EXOC6: variants seen among roughly 807,000 people sequenced by gnomAD.
The protein encoded by EXOC6 is SEC15-like 1.
A neutral mutation model predicts 112.5 loss-of-function variants in EXOC6; 60 were observed. That is an observed-to-expected ratio of 0.53 (90% CI 0.43 to 0.66). The LOEUF is 0.66. Ranked by LOEUF, EXOC6 falls within the 30% of genes least tolerant of loss-of-function variation. The pLI is 0.00. For missense variants in EXOC6, 855 were observed against 957.1 expected (o/e 0.89, Z 1.41); for synonymous variants, 295 against 308.0 (o/e 0.96, Z 0.44).
intron 18 of EXOC6, among the ~76,000 whole-genome samples, chr10:92,991,456 A>G (rs1462330870): frequency 6.6e-6 from 1 of 151,634 alleles, no homozygotes; most frequent in Non-Finnish European, 1.5e-5. Context: ...AAAAAAAACA[A>G]AAGTTAGGGT....
At chr10:92,884,545 G>A (rs955465865) in intron 1 of EXOC6, among the ~76,000 whole-genome samples, 1 of 152,130 alleles carries the variant, frequency 6.6e-6, no homozygotes, top group African/African-American at 2.4e-5. Flanking sequence ...TTCTGGGACA[G>A]AGAAAAGCCA....
intron 20 of EXOC6, among the ~76,000 whole-genome samples, chr10:93,034,774 C>T (rs1283564619): frequency 6.6e-6 from 1 of 152,186 alleles, no homozygotes; most frequent in Non-Finnish European, 1.5e-5. Context: ...TATAATTAAA[C>T]AAATCTTCTT....
intron 20 of EXOC6, among the ~76,000 whole-genome samples, chr10:93,018,632 A>AT (rs1323644827): frequency 6.6e-6 from 1 of 150,550 alleles, no homozygotes; most frequent in African/African-American, 2.4e-5. Context: ...TTTTTACCAG[A>AT]TATTTCAGAG....
At chr10:93,041,526 T>G (rs1340185881) in intron 20 of EXOC6, among the ~76,000 whole-genome samples, 1 of 151,250 alleles carries the variant, frequency 6.6e-6, no homozygotes, top group East Asian at 2.0e-4. Flanking sequence ...CAAGTATGCC[T>G]CAGCCTCCCA....
At chr10:92,903,626 C>A (rs1055725033) in intron 5 of EXOC6, among the ~76,000 whole-genome samples, 1 of 150,420 alleles carries the variant, frequency 6.6e-6, no homozygotes, top group African/African-American at 2.5e-5. Flanking sequence ...ACATCTTTTG[C>A]TTTTTTTTTA....
At chr10:92,863,090 G>C (rs992575329) in intron 1 of EXOC6, among the ~76,000 whole-genome samples, 2 of 152,194 alleles carry the variant, frequency 1.3e-5, no homozygotes. Context: ...GACTTTAACA[G>C]CTATGGCTAA....
At chr10:92,864,693 C>T (rs780568918) in intron 1 of EXOC6, among the ~76,000 whole-genome samples, 16 of 151,994 alleles carry the variant, frequency 1.1e-4, no homozygotes, top group Non-Finnish European at 2.4e-4. Flanking sequence ...TGAATTCTTT[C>T]TCTCTTCTTA....
intron 1 of EXOC6, among the ~76,000 whole-genome samples, chr10:92,840,619 C>T (rs1447073443): frequency 6.6e-6 from 1 of 151,560 alleles, no homozygotes; most frequent in African/African-American, 2.4e-5. Flanking sequence ...TTTTTTAAAA[C>T]TTTTTTTAAT....
rs114666668 is a variant in EXOC6, at chr10:92,888,923, A to G, written c.102-4426A>G. Reference sequence around the variant, plus strand: ...GCCTCAGTTACTTACCAGCTAGGCTATGTTGAGCAAGTCATTTATCATTTC... The same window carrying G: ...GCCTCAGTTACTTACCAGCTAGGCTGTGTTGAGCAAGTCATTTATCATTTC... On this transcript the variant is annotated intron_variant, in intron 1 of 21. Transcript: ENST00000260762. Among the ~76,000 whole-genome samples, 494 of 152,342 alleles carry G rather than the reference A, an allele frequency of 3.2e-3. 1 individual carries two copies. Among genetic ancestry groups the G allele is most frequent in the African/African-American group, 0.011 (475 of 41,580 alleles).
At chr10:93,034,011 T>C (rs1195055692) in intron 20 of EXOC6, among the ~76,000 whole-genome samples, 1 of 152,258 alleles carries the variant, frequency 6.6e-6, no homozygotes, top group Non-Finnish European at 1.5e-5. Context: ...CCTGCACTTC[T>C]TAATAACTAC....
At chr10:92,992,510 G>A (rs921098343) in intron 18 of EXOC6, among the ~76,000 whole-genome samples, 1 of 151,832 alleles carries the variant, frequency 6.6e-6, no homozygotes, top group African/African-American at 2.4e-5. Context: ...AATAATCTTG[G>A]GGAAAGTTTC....
chr10:93,016,047 T>TA (rs971784623), intron 20 of EXOC6, among the ~76,000 whole-genome samples: 1 of 152,076 alleles, frequency 6.6e-6, no homozygotes, highest in South Asian at 2.1e-4. Flanking sequence ...TATCAAAGAA[T>TA]AAAAAAAATT....
intron 8 of EXOC6, among the ~76,000 whole-genome samples, chr10:92,922,501 T>C (rs909611603): frequency 2.6e-5 from 4 of 152,196 alleles, no homozygotes; most frequent in African/African-American, 7.2e-5. Flanking sequence ...TACATTAATA[T>C]GTATGCTTTC....
intron 19 of EXOC6, among the ~76,000 whole-genome samples, chr10:93,011,018 A>C (rs1330785418): frequency 6.6e-6 from 1 of 152,138 alleles, no homozygotes; most frequent in Non-Finnish European, 1.5e-5. Flanking sequence ...AATGTAGAAA[A>C]ATTCTGAGCA....
At chr10:92,839,450 A>C (rs1246893764) in intron 1 of EXOC6, among the ~76,000 whole-genome samples, 2 of 152,198 alleles carry the variant, frequency 1.3e-5, no homozygotes, top group Admixed American at 6.5e-5. Context: ...ATATCGATTC[A>C]ATGCATTGGG....
chr10:92,977,891 C>G (rs1842691382), intron 18 of EXOC6, among the ~76,000 whole-genome samples: 1 of 152,156 alleles, frequency 6.6e-6, no homozygotes, highest in Non-Finnish European at 1.5e-5. Flanking sequence ...AAGACATACT[C>G]TGGTGGCATT....
intron 17 of EXOC6, among the ~76,000 whole-genome samples, chr10:92,964,668 T>C (rs1355233904): frequency 2.6e-5 from 4 of 152,134 alleles, no homozygotes; most frequent in Admixed American, 2.6e-4. Flanking sequence ...TAACAGAAAA[T>C]TGACAGGAAC....
chr10:92,973,638 G>A (rs1842383215), intron 17 of EXOC6, among the ~76,000 whole-genome samples: 1 of 152,106 alleles, frequency 6.6e-6, no homozygotes. Context: ...TCAAAGCACT[G>A]GCAGATATTC....
intron 17 of EXOC6, among the ~76,000 whole-genome samples, chr10:92,957,635 T>C (rs989873023): frequency 6.6e-6 from 1 of 152,226 alleles, no homozygotes; most frequent in Non-Finnish European, 1.5e-5. Context: ...ACTCAGTAAA[T>C]GCTTTTCTGT....
Sources: allele counts gnomAD v4.1 joint callset (sites outside exome capture counted in the v4.1 genomes callset), GRCh38; gene constraint gnomAD v4.1.1; transcripts MANE v1.5; gene names NCBI Gene and HGNC (gene_info 2026-07-23, HGNC 2026-07-21).